Variants in ADAMTSL1 observed in about 807,000 individuals in gnomAD.
ADAMTSL1 encodes ADAMTS like 1.
A neutral mutation model predicts 201.8 loss-of-function variants in ADAMTSL1; 126 were observed. The ratio of observed to expected loss-of-function variants is 0.62; its 90% CI spans 0.54 to 0.72. The LOEUF is 0.72. Among genes scored for constraint, ADAMTSL1 ranks in the 30% least tolerant of loss-of-function variants. The probability of loss-of-function intolerance (pLI) is 0.00; values close to 1 mark genes in which losing one functional copy is unlikely to be tolerated. For missense variants in ADAMTSL1, 2,679 were observed against 2,277.8 expected (o/e 1.18, Z -3.59); for synonymous variants, 1,121 against 903.4 (o/e 1.24, Z -4.32).
At chr9:18,134,321 A>G (rs976767480) in intron 1 of ADAMTSL1, among the ~76,000 whole-genome samples, 1 of 152,190 alleles carries the variant, frequency 6.6e-6, no homozygotes, top group Admixed American at 6.5e-5. Flanking sequence ...TTGTTGGTGC[A>G]TGCCATTGGT....
chr9:18,275,124 G>A (rs541177710), intron 2 of ADAMTSL1, among the ~76,000 whole-genome samples: 6 of 152,138 alleles, frequency 3.9e-5, no homozygotes, highest in Non-Finnish European at 5.9e-5. Context: ...ATGTGAAAGA[G>A]CCATACAATT....
At chr9:18,811,012 CA>C (rs76456235) in intron 20 of ADAMTSL1, among the ~76,000 whole-genome samples, 3,324 of 38,854 alleles carry the variant, frequency 0.086, 50 homozygotes, top group East Asian at 0.27. Context: ...CAATGAGTAC[CA>C]AAAAAAAAAA....
chr9:18,537,898 AAAG>A (rs148366598), intron 3 of ADAMTSL1, among the ~76,000 whole-genome samples: 5,156 of 146,050 alleles, frequency 0.035, 144 homozygotes, highest in Middle Eastern at 0.062. Context: ...AAAAAAGAAG[AAAG>A]AAGAAGAAGA....
chr9:17,915,103 T>G (rs941533000), intron 1 of ADAMTSL1, among the ~76,000 whole-genome samples: 11 of 152,210 alleles, frequency 7.2e-5, no homozygotes, highest in Non-Finnish European at 1.3e-4. Context: ...TACAATTTGA[T>G]AAGTTTTGAC....
chr9:18,853,948 A>G (rs139428891), intron 23 of ADAMTSL1, among the ~76,000 whole-genome samples: 1 of 146,428 alleles, frequency 6.8e-6, no homozygotes, highest in East Asian at 2.2e-4. Context: ...TGATTATAAT[A>G]GAATCAAAAT....
At chr9:18,611,983 G>T (rs1825404573) in intron 4 of ADAMTSL1, among the ~76,000 whole-genome samples, 1 of 152,124 alleles carries the variant, frequency 6.6e-6, no homozygotes, top group Non-Finnish European at 1.5e-5. Context: ...AGGCCAGGGG[G>T]TTGCCCAAGC....
intron 2 of ADAMTSL1, among the ~76,000 whole-genome samples, chr9:18,229,401 A>G (rs1463775785): frequency 6.6e-6 from 1 of 152,080 alleles, no homozygotes; most frequent in Non-Finnish European, 1.5e-5. Context: ...CAGTGGCTTT[A>G]CCTTTGTTTT....
Position 17,984,985 on chromosome 9 carries a change from A to G in ADAMTSL1, c.87+78063A>G, listed in dbSNP as rs1049594160. 4.6e-5 allele frequency among the ~76,000 whole-genome samples: 7 copies of G among 152,254 alleles called. No homozygotes were observed. In the East Asian group the frequency reaches 5.8e-4, roughly 13 times the overall value. On this transcript the variant is annotated intron_variant, in intron 1 of 29. Coordinates refer to the ADAMTSL1 transcript ENST00000680146. ...CTTAAACCATTGTGTTTGAGCAGAT[A>G]GCTTTGTGAGAGCAGAATAGTGCCT...
chr9:18,519,873 C>T (rs992355084), intron 2 of ADAMTSL1, among the ~76,000 whole-genome samples: 1 of 152,198 alleles, frequency 6.6e-6, no homozygotes, highest in African/African-American at 2.4e-5. Context: ...TTATGGTCTA[C>T]AGTGTCATCA....
At chr9:18,723,175 G>A in intron 15 of ADAMTSL1, 4 of 711,034 alleles carry the variant, frequency 5.6e-6, no homozygotes, top group South Asian at 4.5e-5. Flanking sequence ...GGTTGTACCT[G>A]ATGATCTGAG....
At chr9:18,250,571 A>G (rs1239421394) in intron 2 of ADAMTSL1, among the ~76,000 whole-genome samples, 1 of 152,048 alleles carries the variant, frequency 6.6e-6, no homozygotes, top group Non-Finnish European at 1.5e-5. Context: ...AAAACCTGGG[A>G]ATCCCCTCCC....
At chr9:18,782,886 G>A (rs1223898781) in intron 19 of ADAMTSL1, among the ~76,000 whole-genome samples, 2 of 152,212 alleles carry the variant, frequency 1.3e-5, no homozygotes, top group Non-Finnish European at 2.9e-5. Flanking sequence ...CCATTTGGCT[G>A]TAGTAAGGGA....
At chr9:18,592,020 T>C (rs1480778644) in intron 4 of ADAMTSL1, among the ~76,000 whole-genome samples, 2 of 152,112 alleles carry the variant, frequency 1.3e-5, no homozygotes, top group South Asian at 4.1e-4. Context: ...TGAAGAAAAA[T>C]TGGGCCCTTT....
intron 23 of ADAMTSL1, among the ~76,000 whole-genome samples, chr9:18,838,554 T>C (rs1186809131): frequency 6.6e-6 from 1 of 152,150 alleles, no homozygotes; most frequent in African/African-American, 2.4e-5. Flanking sequence ...AGGCTGGGCA[T>C]GGTGATTCAC....
At chr9:18,907,192 T>C in intron 28 of ADAMTSL1, 1 of 448,638 alleles carries the variant, frequency 2.2e-6, no homozygotes. Context: ...CAGCCTCCAG[T>C]TCCCCTGCAG....
At chr9:18,746,581 G>A (rs1796488015) in intron 15 of ADAMTSL1, among the ~76,000 whole-genome samples, 1 of 152,082 alleles carries the variant, frequency 6.6e-6, no homozygotes, top group African/African-American at 2.4e-5. Flanking sequence ...AAACTTTGCT[G>A]CAAAAGTCGA....
chr9:18,134,077 A>G (rs1306928484), intron 1 of ADAMTSL1, among the ~76,000 whole-genome samples: 2 of 152,222 alleles, frequency 1.3e-5, no homozygotes, highest in Admixed American at 1.3e-4. Flanking sequence ...TTTGTAAGCC[A>G]TTATTTGAAA....
intron 3 of ADAMTSL1, among the ~76,000 whole-genome samples, chr9:18,545,663 T>G (rs1179676335): frequency 1.3e-5 from 2 of 152,172 alleles, no homozygotes; most frequent in African/African-American, 4.8e-5. Flanking sequence ...ATAAATTTAT[T>G]AAGTCAATAC....
At chr9:18,113,427 G>A (rs1825115146) in intron 1 of ADAMTSL1, among the ~76,000 whole-genome samples, 1 of 152,150 alleles carries the variant, frequency 6.6e-6, no homozygotes, top group South Asian at 2.1e-4. Flanking sequence ...GATTTAGCAA[G>A]ATTGACGGTG....
Sources: gnomAD v4.1 joint callset for allele counts (sites outside exome capture counted in the v4.1 genomes callset) on GRCh38, gnomAD v4.1.1 for gene constraint, MANE v1.5 for transcripts, NCBI Gene and HGNC (gene_info 2026-07-23, HGNC 2026-07-21) for gene names.